Variants in DNALI1 observed in about 807,000 individuals in gnomAD.
DNALI1 encodes the protein dynein axonemal light intermediate chain 1.
A neutral mutation model predicts 33.9 loss-of-function variants in DNALI1; 31 were observed. The ratio of observed to expected loss-of-function variants is 0.91; its 90% CI spans 0.69 to 1.23. DNALI1 has a LOEUF of 1.23. Ranked by LOEUF, DNALI1 falls within the 50% of genes most tolerant of loss-of-function variation. The probability of loss-of-function intolerance (pLI) is 0.00; values close to 1 mark genes in which losing one functional copy is unlikely to be tolerated. For synonymous variants in DNALI1, 117 were observed against 129.2 expected, an observed-to-expected ratio of 0.91 and a Z score of 0.64; for missense variants, 305 against 323.8, an observed-to-expected ratio of 0.94 and a Z score of 0.44.
chr1:37,563,651 C>A (rs766761430), intron 5 of DNALI1, among the ~76,000 whole-genome samples: 3 of 151,998 alleles, frequency 2.0e-5, no homozygotes, highest in African/African-American at 7.2e-5. Context: ...CCAGCACGCC[C>A]GGCAAATTTC....
rs781430099 is a variant in DNALI1 at position 37,557,753 on chromosome 1, G to T, written c.227+5G>T. The T allele has an allele frequency of 6.2e-7, 1 of 1,613,650 alleles. No individual in the cohort carries two copies. The highest frequency in any genetic ancestry group is 8.5e-7 in the Non-Finnish European group (1 of 1,179,800). ...GAATGCCATACTACCCCCAAGGTAA[G>T]AAAGTAGGAGCAGTGGCTGGGAGAA... On this transcript the variant is annotated splice_donor_5th_base_variant and intron_variant, in intron 2 of 5. Transcript: ENST00000652629.
intron 2 of DNALI1, among the ~76,000 whole-genome samples, chr1:37,558,460 T>C (rs1057308506): frequency 6.6e-6 from 1 of 152,200 alleles, no homozygotes; most frequent in Admixed American, 6.5e-5. Context: ...TTTTGTGGCT[T>C]CCCATCTCAG....
Position 37,559,176 on chromosome 1 carries a change from C to A in DNALI1, c.228-151C>A. 1.3e-6 allele frequency: 1 copy of A among 757,226 alleles called. No homozygotes were observed. The highest frequency in any genetic ancestry group is 2.0e-6 in the Non-Finnish European group (1 of 490,002). The allele number at this position is 757,226 out of a possible 1,614,324, so 46.9% of individuals were successfully genotyped here. A position where few individuals can be genotyped will look rare whatever the true frequency, so the allele number is the denominator to read the frequency against. ...AGCATAGTGGGTGTGGCTTTGGAGC[C>A]TCACACCCCAAGGGATGGAGGATTC... is the stretch of plus-strand genomic sequence containing the variant. On this transcript the variant is annotated intron_variant, in intron 2 of 5. Transcript: ENST00000652629. The surrounding 1 kb of genome is among the most constrained non-coding windows in gnomAD (Gnocchi z 5.3).
At chr1:37,560,732 A>C (rs746224228) in intron 3 of DNALI1, 1 of 152,024 alleles carries the variant, frequency 6.6e-6, no homozygotes, top group African/African-American at 2.4e-5. Flanking sequence ...TGAGTTCCTC[A>C]CCCCTTAGCA....
chr1:37,564,619 G>T (rs112810477), intron 5 of DNALI1, among the ~76,000 whole-genome samples: 62 of 152,136 alleles, frequency 4.1e-4, no homozygotes, highest in African/African-American at 1.4e-3. Context: ...CTGACCTCAC[G>T]ATCCGCCCGC....
Position 37,562,963 on chromosome 1 carries a change from A to C in DNALI1, c.741+718A>C, listed in dbSNP as rs1643457944. Among the ~76,000 whole-genome samples, 1 of 152,218 alleles carries C rather than the reference A, an allele frequency of 6.6e-6. No individual in the cohort carries two copies. Among genetic ancestry groups the C allele is most frequent in the African/African-American group, 2.4e-5 (1 of 41,454 alleles). On this transcript the variant is annotated intron_variant, in intron 5 of 5. Transcript: ENST00000652629. This position sits in a 1 kb window ranked among gnomAD's most constrained non-coding sequence, Gnocchi z 5.8. ...AGACAAATTATTGGGCCCACCCCAGATCTACCAAATCAGAAAATTCGGGGT... is the reference window on the plus strand; with the variant it reads ...AGACAAATTATTGGGCCCACCCCAGCTCTACCAAATCAGAAAATTCGGGGT...
chr1:37,562,125 G>A lies in DNALI1; in HGVS notation c.621G>A (p.Val207=). ...AAAAGAGAGACCTGGAGAGGCAAGTGAACGAGCAGAAGGCAAAATGTGAAG... is the reference window on the plus strand; with the variant it reads ...AAAAGAGAGACCTGGAGAGGCAAGTAAACGAGCAGAAGGCAAAATGTGAAG... The part of the protein sequence containing the change: ...ETEKRDLERQ[V]NEQKAKCEAT... The change falls in exon 5 of 6, where the codon GTG becomes GTA. Residue 207 remains valine (V), a synonymous_variant. Coordinates refer to ENST00000652629, the MANE Select transcript of DNALI1 (RefSeq NM_003462.5). This position sits in a 1 kb window ranked among gnomAD's most constrained non-coding sequence, Gnocchi z 5.8. 6.2e-7 allele frequency: 1 copy of A among 1,614,134 alleles called. No individual in the cohort carries two copies. The highest frequency in any genetic ancestry group is 8.5e-7 in the Non-Finnish European group (1 of 1,180,026).
rs1241861602 is a variant in DNALI1 at position 37,565,939 on chromosome 1, G to T, written c.*878G>T. The T allele has an allele frequency of 2.6e-5, 4 of 152,214 alleles. No homozygotes were observed. Among genetic ancestry groups the T allele is most frequent in the Admixed American group, 2.0e-4 (3 of 15,284 alleles). 9.4% of individuals were successfully genotyped at this position (152,214 alleles called of 1,614,324 possible). On this transcript the variant is annotated 3_prime_UTR_variant, in exon 6 of 6. Coordinates refer to ENST00000652629, the MANE Select transcript of DNALI1 (RefSeq NM_003462.5). The stretch of plus-strand genomic sequence containing the variant: ...TTCTCCTGGTTTTGTAGACCCAGAA[G>T]ATTGAATGAGTGACATAAATCTTTA...
At chr1:37,560,192 T>C (rs1643421245) in intron 3 of DNALI1, among the ~76,000 whole-genome samples, 1 of 152,206 alleles carries the variant, frequency 6.6e-6, no homozygotes, top group Admixed American at 6.5e-5. Flanking sequence ...CTTTCTCTTA[T>C]CTCAACGGCA....
chr1:37,565,240 A>G lies in DNALI1; in HGVS notation c.*179A>G, dbSNP rs577980064. On this transcript the variant is annotated 3_prime_UTR_variant, in exon 6 of 6. Coordinates refer to ENST00000652629, the MANE Select transcript of DNALI1 (RefSeq NM_003462.5). Reference sequence around the variant, plus strand: ...TGTTAGAAGTCACACTATTACTCCAATGTCATCAGACACCTAAGGTCTGCC... The same window carrying G: ...TGTTAGAAGTCACACTATTACTCCAGTGTCATCAGACACCTAAGGTCTGCC... 6.1e-6 allele frequency: 4 copies of G among 653,144 alleles called. No individual in the cohort carries two copies. In the Admixed American group the frequency reaches 8.2e-5, roughly 13 times the overall value. The allele number at this position is 653,144 out of a possible 1,614,324, so 40.5% of individuals were successfully genotyped here. A position where few individuals can be genotyped will look rare whatever the true frequency, so the allele number is the denominator to read the frequency against.
At chr1:37,564,303 A>G (rs896279069) in intron 5 of DNALI1, among the ~76,000 whole-genome samples, 4 of 149,752 alleles carry the variant, frequency 2.7e-5, no homozygotes, top group African/African-American at 9.9e-5. Context: ...TTGTGTGCCA[A>G]GTTGTCTCAG....
rs190675614 is a variant in DNALI1 at position 37,561,618 on chromosome 1, C to G, written c.459C>G (p.Val153=). The G allele has an allele frequency of 2.5e-6, 4 of 1,613,732 alleles. No homozygotes were observed. In the African/African-American group the frequency reaches 5.3e-5, roughly 22 times the overall value. The change falls in exon 4 of 6, where the codon GTC becomes GTG. Residue 153 remains valine (V), a synonymous_variant. Coordinates refer to ENST00000652629, the MANE Select transcript of DNALI1 (RefSeq NM_003462.5). The surrounding 1 kb of genome is among the most constrained non-coding windows in gnomAD (Gnocchi z 4.6). ...CAERGLLLLR[V]RDEIRMTIAA... is the part of the protein sequence containing the mutation. ...AGAGGGGGCTGCTGCTGCTGCGAGT[C>G]CGGGACGAGATCCGCATGACCATCG...
In DNALI1 at chr1:37,565,011, GT is replaced by G; in HGVS notation, c.742-10del. On this transcript the variant is annotated splice_polypyrimidine_tract_variant and intron_variant, in intron 5 of 5. Transcript: ENST00000652629. ...CAAGTTTCAAGTATTAATGGAGCTT[GT>G]TTTTGTTTTTCAGGCCCAACTGGAA... The G allele has an allele frequency of 6.2e-7, 1 of 1,614,018 alleles. No homozygotes were observed. Among genetic ancestry groups the G allele is most frequent in the Non-Finnish European group, 8.5e-7 (1 of 1,179,916 alleles).
Position 37,559,274 on chromosome 1 carries a change from C to T in DNALI1, c.228-53C>T, listed in dbSNP as rs1643408016. ...GCTCAAAGGGCCCTCTGCTCATGTG[C>T]TAGGGACCTTCAAGTCAACGGGTTT... On this transcript the variant is annotated intron_variant, in intron 2 of 5. Transcript: ENST00000652629. This position sits in a 1 kb window ranked among gnomAD's most constrained non-coding sequence, Gnocchi z 5.3. 6.5e-7 allele frequency: 1 copy of T among 1,527,840 alleles called. No individual in the cohort carries two copies. The highest frequency in any genetic ancestry group is 1.9e-5 in the Admixed American group (1 of 52,248). 94.6% of individuals were successfully genotyped at this position (1,527,840 alleles called of 1,614,324 possible).
chr1:37,565,146 C>A lies in DNALI1; in HGVS notation c.*85C>A. The A allele has an allele frequency of 6.6e-7, 1 of 1,511,468 alleles. No individual in the cohort carries two copies. The highest frequency in any genetic ancestry group is 9.2e-7 in the Non-Finnish European group (1 of 1,091,444). 93.6% of individuals were successfully genotyped at this position (1,511,468 alleles called of 1,614,324 possible). On this transcript the variant is annotated 3_prime_UTR_variant, in exon 6 of 6. Coordinates refer to ENST00000652629, the MANE Select transcript of DNALI1 (RefSeq NM_003462.5). The stretch of plus-strand genomic sequence containing the variant: ...GGCAGCCAATAAAATCATCATAAGC[C>A]CTTTGTAATAAAAAGCTAGTTTCCT...
rs541873017 is a variant in DNALI1, at chr1:37,563,884, G to A, written c.742-1142G>A. ...AAGATCTGTCCAGTATTATTTTATT[G>A]GCTACCAGAGGAACATAGTAAATAA... On this transcript the variant is annotated intron_variant, in intron 5 of 5. Transcript: ENST00000652629. Among the ~76,000 whole-genome samples, 6 of 152,198 alleles carry A rather than the reference G, an allele frequency of 3.9e-5. No individual in the cohort carries two copies. The East Asian group carries it at 1.2e-3, about 29-fold the overall frequency.
chr1:37,563,549 G>A (rs2268695), intron 5 of DNALI1, among the ~76,000 whole-genome samples: 21,280 of 152,130 alleles, frequency 0.14, 1,829 homozygotes, highest in Admixed American at 0.18. Flanking sequence ...GGAGTGCAAT[G>A]GCACCATCTC....
chr1:37,565,380 CTCA>C lies in DNALI1; in HGVS notation c.*326_*328del. On this transcript the variant is annotated 3_prime_UTR_variant, in exon 6 of 6. Transcript: ENST00000652629. ...CAAATTCTAAGAAAGCCACTGCTTT[CTCA>C]TCATCACTCTATACCAATACTTATT... The C allele has an allele frequency of 2.5e-6, 1 of 400,076 alleles. No homozygotes were observed. Among genetic ancestry groups the C allele is most frequent in the Non-Finnish European group, 4.6e-6 (1 of 218,376 alleles). The allele number at this position is 400,076 out of a possible 1,614,324, so 24.8% of individuals were successfully genotyped here.
At chr1:37,558,086 A>G (rs1411367994) in intron 2 of DNALI1, 1 of 236,370 alleles carries the variant, frequency 4.2e-6, no homozygotes, top group African/African-American at 2.3e-5. Context: ...AAGATATCTA[A>G]TAGACATCTC....
Sources: gnomAD v4.1 joint callset for allele counts (sites outside exome capture counted in the v4.1 genomes callset) on GRCh38, gnomAD v4.1.1 for gene constraint, Gnocchi (gnomAD v3.1) non-coding constraint, MANE v1.5 for transcripts, NCBI Gene and HGNC (gene_info 2026-07-23, HGNC 2026-07-21) for gene names.